Variants in WDR72 observed in about 807,000 individuals in gnomAD.
WDR72 encodes the protein WD repeat-containing protein 72.
WDR72 carries 120 observed loss-of-function variants against 124.2 expected under a neutral mutation model. The observed-to-expected ratio is 0.97, with a 90% CI of 0.83 to 1.12. WDR72 has a LOEUF of 1.12. WDR72 is among the 50% of genes most tolerant of loss of function. The pLI is 0.00. For missense variants in WDR72, 1,387 were observed against 1,278.8 expected (o/e 1.08, Z -1.29); for synonymous variants, 452 against 441.7 (o/e 1.02, Z -0.29).
At chr15:53,626,774 T>C (rs2014228242) in intron 14 of WDR72, among the ~76,000 whole-genome samples, 1 of 152,176 alleles carries the variant, frequency 6.6e-6, no homozygotes, top group Admixed American at 6.5e-5. Flanking sequence ...GCAAGCTCCA[T>C]GTTTAAAGGT....
chr15:53,694,934 A>G (rs2016957125), intron 13 of WDR72, among the ~76,000 whole-genome samples: 1 of 152,178 alleles, frequency 6.6e-6, no homozygotes, highest in Admixed American at 6.5e-5. Flanking sequence ...TGTTGTAAGT[A>G]AAGTTTTATT....
At chr15:53,590,761 G>C (rs2012454489) in intron 18 of WDR72, among the ~76,000 whole-genome samples, 1 of 151,974 alleles carries the variant, frequency 6.6e-6, no homozygotes, top group East Asian at 1.9e-4. Flanking sequence ...TCAATAAAGT[G>C]GATATAACAA....
At chr15:53,695,730 T>G (rs2016982426) in intron 13 of WDR72, among the ~76,000 whole-genome samples, 1 of 152,146 alleles carries the variant, frequency 6.6e-6, no homozygotes, top group Non-Finnish European at 1.5e-5. Flanking sequence ...CTGTCATCCA[T>G]CTCACTATGC....
chr15:53,588,375 C>T (rs61355899), intron 18 of WDR72, among the ~76,000 whole-genome samples: 14,536 of 151,896 alleles, frequency 0.096, 864 homozygotes, highest in African/African-American at 0.16. Flanking sequence ...AGGTAATATA[C>T]AGTATTTTAG....
intron 18 of WDR72, among the ~76,000 whole-genome samples, chr15:53,524,611 G>C (rs562025): frequency 0.75 from 114,143 of 152,002 alleles, 43,441 homozygotes; most frequent in Non-Finnish European, 0.81. Context: ...ACAAACTTTA[G>C]AGAAGACTAG....
At position 53,579,005 on chromosome 15, in the gene WDR72, A is replaced by G. The variant is rs571166050; in HGVS notation, c.3148+18074T>C. Among the ~76,000 whole-genome samples the G allele has an allele frequency of 2.6e-5, 4 of 152,174 alleles. No homozygotes were observed. In the East Asian group the frequency reaches 5.8e-4, roughly 22 times the overall value. ...GGGAAGAAATCGTTGCAAGAGATAT[A>G]AGGCTGTTAGCAAGATGACTTCCAT... On this transcript the variant is annotated intron_variant, in intron 18 of 19. Transcript: ENST00000360509.
intron 1 of WDR72, 29 bp from the exon 2 acceptor site, chr15:53,733,190 C>T: frequency 6.2e-7 from 1 of 1,611,830 alleles, no homozygotes; most frequent in Middle Eastern, 1.7e-4. Context: ...AAGAAGCATA[C>T]ATGGTCATCT....
chr15:53,738,886 C>T (rs898221191), intron 1 of WDR72, among the ~76,000 whole-genome samples: 1 of 152,254 alleles, frequency 6.6e-6, no homozygotes, highest in Non-Finnish European at 1.5e-5. Flanking sequence ...GGATTACAGG[C>T]GTGAGCCACT....
intron 3 of WDR72, among the ~76,000 whole-genome samples, chr15:53,722,128 G>A (rs2017893783): frequency 6.6e-6 from 1 of 151,840 alleles, no homozygotes. Context: ...CTGCCTCCTG[G>A]GTTCAAGTAA....
rs1173063211 is a variant in WDR72, at chr15:53,683,532, A to C, written c.1765+16218T>G. ...TCTTCTCTACATAAAATTTACTTTC[A>C]TTTTTATACTAACTGAATCCTATGA... On this transcript the variant is annotated intron_variant, in intron 13 of 19. Transcript: ENST00000360509. Among the ~76,000 whole-genome samples, 4 of 152,210 alleles carry C rather than the reference A, an allele frequency of 2.6e-5. No homozygotes were observed. In the East Asian group the frequency reaches 5.8e-4, roughly 22 times the overall value.
chr15:53,677,716 C>G (rs1455601723), intron 13 of WDR72, among the ~76,000 whole-genome samples: 1 of 152,168 alleles, frequency 6.6e-6, no homozygotes, highest in Non-Finnish European at 1.5e-5. Flanking sequence ...AACTGTGAGT[C>G]AAGTAAACCT....
chr15:53,707,694 C>G (rs998887815), intron 9 of WDR72, among the ~76,000 whole-genome samples: 3 of 152,188 alleles, frequency 2.0e-5, no homozygotes, highest in African/African-American at 7.2e-5. Context: ...GATCCACCCA[C>G]CTCGGCCTCC....
At chr15:53,669,409 T>C (rs1190133835) in intron 13 of WDR72, among the ~76,000 whole-genome samples, 1 of 152,172 alleles carries the variant, frequency 6.6e-6, no homozygotes, top group Non-Finnish European at 1.5e-5. Context: ...CTTGGTTTCT[T>C]GGTCAAGCTA....
chr15:53,683,805 C>T (rs547130219), intron 13 of WDR72, among the ~76,000 whole-genome samples: 17 of 151,962 alleles, frequency 1.1e-4, no homozygotes, highest in Admixed American at 3.9e-4. Flanking sequence ...AAAAAGTATA[C>T]GGATGGCAAA....
chr15:53,540,263 GT>G (rs1893009733), intron 18 of WDR72, among the ~76,000 whole-genome samples: 2 of 152,290 alleles, frequency 1.3e-5, no homozygotes, highest in South Asian at 4.1e-4. Context: ...TAAAGTAGAT[GT>G]AATAATCAAA....
chr15:53,554,474 C>T (rs966674728), intron 18 of WDR72, among the ~76,000 whole-genome samples: 3 of 152,118 alleles, frequency 2.0e-5, no homozygotes, highest in Non-Finnish European at 4.4e-5. Context: ...TTTGCTGTAA[C>T]TGAATAAATG....
intron 1 of WDR72, among the ~76,000 whole-genome samples, chr15:53,752,942 G>T (rs2018809892): frequency 1.3e-5 from 2 of 151,902 alleles, no homozygotes. Flanking sequence ...AATGAAAGAT[G>T]AAAAAACACA....
At chr15:53,546,690 G>T (rs771502867) in intron 18 of WDR72, among the ~76,000 whole-genome samples, 12 of 151,672 alleles carry the variant, frequency 7.9e-5, no homozygotes, top group Non-Finnish European at 1.8e-4. Context: ...AACAAAGAAA[G>T]AAATGCAAAA....
intron 9 of WDR72, among the ~76,000 whole-genome samples, chr15:53,706,719 C>G (rs894899098): frequency 6.6e-6 from 1 of 151,826 alleles, no homozygotes; most frequent in Non-Finnish European, 1.5e-5. Flanking sequence ...ATGTTTTCTA[C>G]ATTTTGTTGA....
Sources: allele counts gnomAD v4.1 joint callset (sites outside exome capture counted in the v4.1 genomes callset), GRCh38; gene constraint gnomAD v4.1.1; transcripts MANE v1.5; gene names NCBI Gene and HGNC (gene_info 2026-07-23, HGNC 2026-07-21).